The following FBN2 variants were observed in gnomAD, a reference collection of about 807,000 sequenced individuals.
The protein encoded by FBN2 is fibrillin-2.
FBN2 carries 105 observed loss-of-function variants against 355.6 expected under a neutral mutation model. The observed-to-expected ratio is 0.30, with a 90% CI of 0.25 to 0.35. The LOEUF (loss-of-function observed/expected upper bound fraction) is 0.35, where lower values mean the gene tolerates loss of function less well. Ranked by LOEUF, FBN2 falls within the 10% of genes least tolerant of loss-of-function variation. The probability of loss-of-function intolerance (pLI) is 1.00; values close to 1 mark genes in which losing one functional copy is unlikely to be tolerated. For missense variants in FBN2, 3,280 were observed against 3,758.7 expected (o/e 0.87, Z 3.33); for synonymous variants, 1,350 against 1,301.2 (o/e 1.04, Z -0.81).
At chr5:128,331,640 G>A (rs1040779417) in intron 32 of FBN2, among the ~76,000 whole-genome samples, 12 of 152,254 alleles carry the variant, frequency 7.9e-5, no homozygotes, top group African/African-American at 2.6e-4. Flanking sequence ...GAGGGAACAA[G>A]CCAACATACC....
At position 128,531,750 on chromosome 5, in the gene FBN2, A is replaced by G. The variant is rs1756714675; in HGVS notation, c.338-1057T>C. The stretch of plus-strand genomic sequence containing the variant: ...TATATATATATATATATACACACAC[A>G]TATTTACTGGCTTTAAAAGGTCTAA... On this transcript the variant is annotated intron_variant, in intron 2 of 64. Transcript: ENST00000262464. Among the ~76,000 whole-genome samples the G allele has an allele frequency of 2.0e-5, 3 of 150,792 alleles. No individual in the cohort carries two copies. The South Asian group carries it at 6.2e-4, about 31-fold the overall frequency.
intron 63 of FBN2, among the ~76,000 whole-genome samples, chr5:128,262,934 A>G (rs531438627): frequency 6.8e-4 from 104 of 152,308 alleles, no homozygotes; most frequent in African/African-American, 2.4e-3. Flanking sequence ...GAATGACACC[A>G]CACCAACTAG....
chr5:128,433,900 T>C (rs996827754), intron 7 of FBN2, among the ~76,000 whole-genome samples: 1 of 152,132 alleles, frequency 6.6e-6, no homozygotes, highest in Non-Finnish European at 1.5e-5. Context: ...CATAAAAACA[T>C]AGCAACTCAC....
chr5:128,309,206 A>G, intron 41 of FBN2, 41 bp downstream of exon 41: 2 of 1,605,600 alleles, frequency 1.2e-6, no homozygotes, highest in South Asian at 1.1e-5. Context: ...TGCGTGTATC[A>G]CTGATGTGGC....
chr5:128,258,900 C>T lies in FBN2; in HGVS notation c.*555G>A, dbSNP rs1372593754. 1 of 156,332 alleles carries T rather than the reference C, an allele frequency of 6.4e-6. No individual in the cohort carries two copies. The highest frequency in any genetic ancestry group is 1.9e-4 in the East Asian group (1 of 5,300). 9.7% of individuals were successfully genotyped at this position (156,332 alleles called of 1,614,324 possible). A position where few individuals can be genotyped will look rare whatever the true frequency, so the allele number is the denominator to read the frequency against. ...CATCAGGTGTGTATCAGCTGGATGA[C>T]TGGCAGAAAACCAAAGGAAACATCT... is the stretch of plus-strand genomic sequence containing the variant. On this transcript the variant is annotated 3_prime_UTR_variant, in exon 65 of 65. Coordinates refer to ENST00000262464, the MANE Select transcript of FBN2 (RefSeq NM_001999.4).
chr5:128,262,818 C>T (rs898504409), intron 63 of FBN2, among the ~76,000 whole-genome samples: 1 of 152,198 alleles, frequency 6.6e-6, no homozygotes, highest in Non-Finnish European at 1.5e-5. Flanking sequence ...AGCACCACGG[C>T]CTTCCTGGAA....
chr5:128,277,782 G>T (rs1352538382), intron 58 of FBN2, 98 bp downstream of exon 58: 3 of 1,289,460 alleles, frequency 2.3e-6, no homozygotes, highest in Non-Finnish European at 2.3e-6. Context: ...ATATTCCAAA[G>T]CTCCATAATA....
At chr5:128,307,352 G>T in intron 41 of FBN2, 149 bp from the exon 42 acceptor site, 1 of 656,798 alleles carries the variant, frequency 1.5e-6, no homozygotes, top group Non-Finnish European at 2.7e-6. Context: ...AGCAATGCCA[G>T]CTTCTGCTAG....
chr5:128,364,766 G>T (rs1409980538), intron 17 of FBN2, 41 bp from the exon 18 acceptor site: 2 of 1,534,646 alleles, frequency 1.3e-6, no homozygotes, highest in Non-Finnish European at 1.8e-6. Context: ...CAACAAACAT[G>T]TTATTGTTTG....
chr5:128,513,245 C>T (rs1378459356), intron 5 of FBN2, among the ~76,000 whole-genome samples: 2 of 152,154 alleles, frequency 1.3e-5, no homozygotes, highest in East Asian at 1.9e-4. Flanking sequence ...TTGAAATATA[C>T]GGTATTTGTT....
chr5:128,362,827 A>C (rs1751673332), intron 18 of FBN2, among the ~76,000 whole-genome samples: 1 of 152,152 alleles, frequency 6.6e-6, no homozygotes, highest in Non-Finnish European at 1.5e-5. Context: ...AAAGAAATAA[A>C]CCCTGTAGTT....
intron 4 of FBN2, among the ~76,000 whole-genome samples, chr5:128,521,432 T>C (rs1756432029): frequency 6.6e-6 from 1 of 152,010 alleles, no homozygotes; most frequent in Admixed American, 6.6e-5. Context: ...AATACCTAGG[T>C]GATAGGTTGA....
At chr5:128,260,902 T>C (rs897452918) in intron 64 of FBN2, among the ~76,000 whole-genome samples, 2 of 152,180 alleles carry the variant, frequency 1.3e-5, no homozygotes, top group African/African-American at 4.8e-5. Flanking sequence ...GACGACCTCA[T>C]ACTGTCTCAG....
In FBN2 at chr5:128,257,958, G is replaced by C. The variant is rs1341572927; in HGVS notation, c.*1497C>G. 6.6e-6 allele frequency: 1 copy of C among 152,336 alleles called. No homozygotes were observed. Among genetic ancestry groups the C allele is most frequent in the African/African-American group, 2.4e-5 (1 of 41,256 alleles). 9.4% of individuals were successfully genotyped at this position (152,336 alleles called of 1,614,324 possible). On this transcript the variant is annotated 3_prime_UTR_variant, in exon 65 of 65. Transcript: ENST00000262464. ...AGAAAAGTGTCATATTTGATACACA[G>C]ACCTACAAAAACAAACAAAACCAAA...
intron 15 of FBN2, chr5:128,371,125 G>A (rs1439595635): frequency 1.3e-5 from 2 of 152,074 alleles, no homozygotes; most frequent in African/African-American, 4.8e-5. Context: ...GCAGCAGTGA[G>A]AAGGGAGGAA....
At chr5:128,290,629 A>G in intron 50 of FBN2, 103 bp downstream of exon 50, 8 of 1,122,148 alleles carry the variant, frequency 7.1e-6, no homozygotes, top group Non-Finnish European at 9.5e-6. Flanking sequence ...CAAGGAGATG[A>G]TTTCACTCTC....
chr5:128,522,258 A>G (rs1756451483), intron 4 of FBN2, among the ~76,000 whole-genome samples: 1 of 152,166 alleles, frequency 6.6e-6, no homozygotes, highest in Non-Finnish European at 1.5e-5. Flanking sequence ...CCTGTCACCT[A>G]CTGTGGTATC....
intron 3 of FBN2, 145 bp downstream of exon 3, chr5:128,530,450 G>A (rs1756672763): frequency 1.5e-6 from 1 of 666,002 alleles, no homozygotes; most frequent in South Asian, 1.7e-5. Context: ...CTGTAAAATG[G>A]GGTATTAACA....
Position 128,258,329 on chromosome 5 carries a change from A to G in FBN2, c.*1126T>C, listed in dbSNP as rs537684066. 2 of 152,774 alleles carry G rather than the reference A, an allele frequency of 1.3e-5. No homozygotes were observed. Among genetic ancestry groups the G allele is most frequent in the Admixed American group, 1.3e-4 (2 of 15,304 alleles). 9.5% of individuals were successfully genotyped at this position (152,774 alleles called of 1,614,324 possible). A position where few individuals can be genotyped will look rare whatever the true frequency, so the allele number is the denominator to read the frequency against. The stretch of plus-strand genomic sequence containing the variant: ...TTTCATACACAATAGGCTATGATAA[A>G]ATGAGGCATATGGTGTATAACTACA... On this transcript the variant is annotated 3_prime_UTR_variant, in exon 65 of 65. Transcript: ENST00000262464.
Sources: gnomAD v4.1 joint callset for allele counts (sites outside exome capture counted in the v4.1 genomes callset) on GRCh38, gnomAD v4.1.1 for gene constraint, MANE v1.5 for transcripts, NCBI Gene and HGNC (gene_info 2026-07-23, HGNC 2026-07-21) for gene names.